The following USP10 variants were observed in gnomAD, a reference collection of about 807,000 sequenced individuals.
USP10 encodes the protein ubiquitin carboxyl-terminal hydrolase 10.
A neutral mutation model predicts 84.5 loss-of-function variants in USP10; 22 were observed. The observed-to-expected ratio is 0.26, with a 90% CI of 0.19 to 0.37. USP10 has a LOEUF of 0.37. Ranked by LOEUF, USP10 falls within the 10% of genes least tolerant of loss-of-function variation. USP10 has a pLI of 1.00. For synonymous variants in USP10, 454 were observed against 387.6 expected, an observed-to-expected ratio of 1.17 and a Z score of -2.01; for missense variants, 1,019 against 998.9, an observed-to-expected ratio of 1.02 and a Z score of -0.27.
At chr16:84,701,194 A>T (rs975051666) in intron 1 of USP10, among the ~76,000 whole-genome samples, 1 of 152,174 alleles carries the variant, frequency 6.6e-6, no homozygotes, top group Admixed American at 6.5e-5. Context: ...TTGAAACATG[A>T]TTTTCGGAAC....
At position 84,740,237 on chromosome 16, in the gene USP10, C is replaced by A. The variant is rs533939401; in HGVS notation, c.91-72C>A. 3.4e-4 allele frequency: 458 copies of A among 1,366,748 alleles called. 2 individuals carry two copies. The highest frequency in any genetic ancestry group is 3.3e-4 in the South Asian group (27 of 80,644). 84.7% of individuals were successfully genotyped at this position (1,366,748 alleles called of 1,614,324 possible). A position where few individuals can be genotyped will look rare whatever the true frequency, so the allele number is the denominator to read the frequency against. ...GATTAAGAGTTTTAATGAATTGTTG[C>A]CTTAATTAAATGGTAAGCGTTGGTT... On this transcript the variant is annotated intron_variant, in intron 2 of 13. Coordinates refer to ENST00000219473, the MANE Select transcript of USP10 (RefSeq NM_005153.3).
At chr16:84,740,237 C>T (rs533939401) in intron 2 of USP10, 72 bp from the exon 3 acceptor site, 12 of 1,366,632 alleles carry the variant, frequency 8.8e-6, no homozygotes, top group Middle Eastern at 2.5e-4. Flanking sequence ...TGAATTGTTG[C>T]CTTAATTAAA....
At chr16:84,769,900 G>A (rs564042397) in intron 11 of USP10, among the ~76,000 whole-genome samples, 52 of 152,196 alleles carry the variant, frequency 3.4e-4, no homozygotes, top group Non-Finnish European at 1.2e-4. Context: ...TTAGACGGTA[G>A]TGAAGAAAGA....
chr16:84,706,482 A>T (rs1905526539), intron 1 of USP10, among the ~76,000 whole-genome samples: 1 of 148,246 alleles, frequency 6.7e-6, no homozygotes, highest in South Asian at 2.1e-4. Flanking sequence ...ATATATTTAT[A>T]TGTATTTATT....
intron 13 of USP10, among the ~76,000 whole-genome samples, chr16:84,777,867 T>C (rs567905222): frequency 6.6e-6 from 1 of 152,356 alleles, no homozygotes; most frequent in Admixed American, 6.5e-5. Context: ...TGGGCGCAGC[T>C]TAGCAGGCTG....
chr16:84,703,899 C>T (rs1905180762), intron 1 of USP10, among the ~76,000 whole-genome samples: 1 of 152,192 alleles, frequency 6.6e-6, no homozygotes, highest in Non-Finnish European at 1.5e-5. Context: ...AGCGGGCCTA[C>T]CACATTCTAA....
At position 84,740,361 on chromosome 16, in the gene USP10, T is replaced by C. The variant is rs772454018; in HGVS notation, c.143T>C (p.Leu48Pro). ...TGTGGCACACAGGCTGTGGATAAACTACCTGATGGTAAGCTAGTTCTCTCC... is the reference window on the plus strand; with the variant it reads ...TGTGGCACACAGGCTGTGGATAAACCACCTGATGGTAAGCTAGTTCTCTCC... Reference protein sequence around the residue: ...VLCGTQAVDKLPDGQEYQRIE... With the variant: ...VLCGTQAVDKPPDGQEYQRIE... Residue 48 changes from leucine to proline, a missense_variant, in exon 3 of 14, where the codon CTA becomes CCA. Leu to Pro is a moderately conservative substitution (Grantham distance 98). Coordinates refer to ENST00000219473, the MANE Select transcript of USP10 (RefSeq NM_005153.3). The C allele has an allele frequency of 6.2e-7, 1 of 1,612,802 alleles. No homozygotes were observed. Among genetic ancestry groups the C allele is most frequent in the South Asian group, 1.1e-5 (1 of 90,954 alleles).
intron 1 of USP10, among the ~76,000 whole-genome samples, chr16:84,722,969 G>A (rs1189637225): frequency 6.6e-6 from 1 of 152,166 alleles, no homozygotes. Context: ...GTGGTTCTTA[G>A]TGAAATGTGC....
intron 2 of USP10, among the ~76,000 whole-genome samples, chr16:84,734,031 T>G (rs761298434): frequency 3.0e-4 from 45 of 152,224 alleles, no homozygotes; most frequent in Non-Finnish European, 5.1e-4. Flanking sequence ...TATTTTCCTG[T>G]CGAGGGCCAT....
chr16:84,739,422 C>A (rs1342629668), intron 2 of USP10, among the ~76,000 whole-genome samples: 1 of 152,114 alleles, frequency 6.6e-6, no homozygotes, highest in Non-Finnish European at 1.5e-5. Flanking sequence ...CAGGTGCCTG[C>A]CACCACGCCC....
rs1913013461 is a variant in USP10, at chr16:84,759,946, G to A, written c.1450G>A (p.Ala484Thr). ...NMPVPPKPRQ[A>T]LGDKIVRDIR... ...GCCAGTACCTCCAAAACCCCGACAA[G>A]GTTAGTAAAAATGAGTTTTGTTGAT... is the stretch of plus-strand genomic sequence containing the variant. The change falls in exon 7 of 14, where the codon GCT becomes ACT. Residue 484 changes from alanine (A) to threonine (T), a missense_variant and splice_region_variant. Coordinates refer to ENST00000219473, the MANE Select transcript of USP10 (RefSeq NM_005153.3). 6.2e-7 allele frequency: 1 copy of A among 1,613,830 alleles called. No individual in the cohort carries two copies. The highest frequency in any genetic ancestry group is 1.1e-5 in the South Asian group (1 of 91,076).
rs114833485 is a variant in USP10 at position 84,739,786 on chromosome 16, T to C, written c.91-523T>C. On this transcript the variant is annotated intron_variant, in intron 2 of 13. Transcript: ENST00000219473. ...CTGTTAATGTAGTTAATTAAGGCAC[T>C]GTGTTAAAAAGGGAGCTGCAGTCAC... Among the ~76,000 whole-genome samples the C allele has an allele frequency of 2.0e-3, 308 of 152,356 alleles. 2 individuals carry two copies. Among genetic ancestry groups the C allele is most frequent in the African/African-American group, 6.8e-3 (282 of 41,582 alleles).
intron 12 of USP10, among the ~76,000 whole-genome samples, chr16:84,773,346 G>A (rs1914646367): frequency 1.3e-5 from 2 of 152,212 alleles, no homozygotes; most frequent in African/African-American, 4.8e-5. Context: ...TTGGGAAGCA[G>A]AAAAGAGGAC....
intron 1 of USP10, among the ~76,000 whole-genome samples, chr16:84,726,436 C>T (rs953069667): frequency 6.6e-6 from 1 of 152,208 alleles, no homozygotes; most frequent in Non-Finnish European, 1.5e-5. Flanking sequence ...TTTCCCACTT[C>T]GTCTAAACCT....
intron 12 of USP10, among the ~76,000 whole-genome samples, chr16:84,774,421 G>T (rs1215990722): frequency 6.6e-6 from 1 of 151,948 alleles, no homozygotes; most frequent in Non-Finnish European, 1.5e-5. Flanking sequence ...TGGTAGACTG[G>T]TTCCTATTTG....
intron 2 of USP10, among the ~76,000 whole-genome samples, chr16:84,736,938 G>A (rs1279369813): frequency 6.6e-6 from 1 of 152,190 alleles, no homozygotes; most frequent in African/African-American, 2.4e-5. Context: ...ACAGGCGTCC[G>A]CCACCTCGCC....
intron 2 of USP10, among the ~76,000 whole-genome samples, 199 bp from the exon 3 acceptor site, chr16:84,740,110 G>C (rs1406278121): frequency 6.6e-6 from 1 of 152,140 alleles, no homozygotes; most frequent in African/African-American, 2.4e-5. Context: ...ATATTTGAAA[G>C]CATTTCTATT....
chr16:84,748,858 A>T (rs116668798), intron 4 of USP10, among the ~76,000 whole-genome samples: 1,762 of 152,332 alleles, frequency 0.012, 33 homozygotes, highest in African/African-American at 0.04. Flanking sequence ...TAGTAGAGGA[A>T]AGCCTTGCCA....
chr16:84,759,590 T>C (rs534832812), intron 6 of USP10, 118 bp downstream of exon 6: 7 of 994,598 alleles, frequency 7.0e-6, no homozygotes, highest in Non-Finnish European at 1.1e-5. Flanking sequence ...AATTCTGTCT[T>C]TTTTTAAAAA....
Sources: allele counts gnomAD v4.1 joint callset (sites outside exome capture counted in the v4.1 genomes callset), GRCh38; gene constraint gnomAD v4.1.1; transcripts MANE v1.5; gene names NCBI Gene and HGNC (gene_info 2026-07-23, HGNC 2026-07-21).